PRKCH: variants seen among roughly 807,000 people sequenced by gnomAD.
PRKCH encodes the protein protein kinase C eta, also known as protein kinase C eta type.
Under a neutral mutation model 82.5 loss-of-function variants are expected in PRKCH, and 28 were observed. The ratio of observed to expected loss-of-function variants is 0.34; its 90% CI spans 0.25 to 0.47. The LOEUF (loss-of-function observed/expected upper bound fraction) is 0.47, where lower values mean the gene tolerates loss of function less well. PRKCH is among the 20% of genes least tolerant of loss of function. The pLI, the probability that PRKCH is intolerant of heterozygous loss-of-function variation, is 1.00. For missense variants in PRKCH, 705 were observed against 881.8 expected (o/e 0.80, Z 2.54); for synonymous variants, 322 against 327.4 (o/e 0.98, Z 0.18).
At chr14:61,336,345 T>A (rs988801165) in intron 1 of PRKCH, among the ~76,000 whole-genome samples, 1 of 152,194 alleles carries the variant, frequency 6.6e-6, no homozygotes, top group Non-Finnish European at 1.5e-5. Context: ...GGCTTCCTTA[T>A]CCCGGAATCA....
chr14:61,257,136 G>T (rs2140077027), intron 1 of PRKCH, among the ~76,000 whole-genome samples: 1 of 152,292 alleles, frequency 6.6e-6, no homozygotes, highest in South Asian at 2.1e-4. Flanking sequence ...ACTACTCTCT[G>T]CATGGGGCAT....
chr14:61,517,660 C>T (rs1010796693), intron 10 of PRKCH, among the ~76,000 whole-genome samples: 6 of 152,196 alleles, frequency 3.9e-5, no homozygotes, highest in African/African-American at 1.2e-4. Context: ...TCTATGAACT[C>T]GTTTGTTGGT....
intron 10 of PRKCH, 106 bp downstream of exon 10, chr14:61,485,762 A>G: frequency 7.2e-7 from 1 of 1,392,824 alleles, no homozygotes. Flanking sequence ...CTTTTTTGGA[A>G]TTAAATTCAC....
chr14:61,215,280 G>T (rs2044608868), intron 1 of PRKCH, among the ~76,000 whole-genome samples: 1 of 152,078 alleles, frequency 6.6e-6, no homozygotes, highest in Non-Finnish European at 1.5e-5. Flanking sequence ...GGTGGGTCTG[G>T]GTCACATCCA....
intron 10 of PRKCH, among the ~76,000 whole-genome samples, chr14:61,499,960 A>G (rs1202313312): frequency 2.6e-5 from 4 of 151,458 alleles, no homozygotes; most frequent in African/African-American, 4.9e-5. Flanking sequence ...CTCCCAATCT[A>G]GTTTACCTGT....
At chr14:61,333,673 A>C (rs1019214742) in intron 1 of PRKCH, among the ~76,000 whole-genome samples, 1 of 151,988 alleles carries the variant, frequency 6.6e-6, no homozygotes, top group African/African-American at 2.4e-5. Context: ...TTTTTTAAAG[A>C]GTTTGTTTGA....
intron 2 of PRKCH, among the ~76,000 whole-genome samples, chr14:61,397,790 A>G (rs1193613304): frequency 1.3e-5 from 2 of 152,232 alleles, no homozygotes; most frequent in Non-Finnish European, 2.9e-5. Context: ...TGGTGGTAAC[A>G]GTGGTTTCTT....
At chr14:61,418,064 T>C (rs2140241794) in intron 2 of PRKCH, among the ~76,000 whole-genome samples, 1 of 152,372 alleles carries the variant, frequency 6.6e-6, no homozygotes, top group South Asian at 2.1e-4. Flanking sequence ...GAATAGTTCC[T>C]GGAGAAAGAT....
At chr14:61,316,498 G>C (rs1304890898) in intron 1 of PRKCH, among the ~76,000 whole-genome samples, 5 of 152,124 alleles carry the variant, frequency 3.3e-5, no homozygotes, top group Non-Finnish European at 5.9e-5. Context: ...GTCTATAAAA[G>C]GACCTATAAT....
At chr14:61,349,471 A>C (rs945073588) in intron 1 of PRKCH, among the ~76,000 whole-genome samples, 2 of 152,166 alleles carry the variant, frequency 1.3e-5, no homozygotes, top group African/African-American at 4.8e-5. Flanking sequence ...CTGAGTTCAA[A>C]CCCAGTTCTT....
chr14:61,518,213 G>A (rs2042853934), intron 10 of PRKCH, among the ~76,000 whole-genome samples: 1 of 152,156 alleles, frequency 6.6e-6, no homozygotes, highest in Admixed American at 6.5e-5. Flanking sequence ...GTCTTTGCCT[G>A]AAGACTTCTG....
At chr14:61,518,567 CT>C (rs2042859581) in intron 10 of PRKCH, among the ~76,000 whole-genome samples, 1 of 152,100 alleles carries the variant, frequency 6.6e-6, no homozygotes, top group East Asian at 1.9e-4. Flanking sequence ...CTCATTTCCT[CT>C]TGTATTTGTC....
At chr14:61,364,326 A>C (rs181576660) in intron 1 of PRKCH, among the ~76,000 whole-genome samples, 1 of 152,058 alleles carries the variant, frequency 6.6e-6, no homozygotes, top group African/African-American at 2.4e-5. Context: ...ATGGGAGATG[A>C]GATGATTGAG....
chr14:61,428,070 G>GATAGATAA (rs1883205759), intron 2 of PRKCH, among the ~76,000 whole-genome samples: 1 of 75,148 alleles, frequency 1.3e-5, no homozygotes, highest in African/African-American at 4.3e-5. Flanking sequence ...TAGATAGATA[G>GATAGATAA]ATAGATACAC....
intron 2 of PRKCH, among the ~76,000 whole-genome samples, chr14:61,402,201 A>G (rs1881661521): frequency 6.6e-6 from 1 of 152,236 alleles, no homozygotes; most frequent in African/African-American, 2.4e-5. Flanking sequence ...TATTTTCACA[A>G]TGGCCAGTAC....
intron 1 of PRKCH, among the ~76,000 whole-genome samples, chr14:61,356,809 G>A (rs964712855): frequency 6.6e-6 from 1 of 152,114 alleles, no homozygotes; most frequent in Non-Finnish European, 1.5e-5. Context: ...AGCCTCCCAA[G>A]TAGGTGGGAT....
At chr14:61,505,081 A>T (rs1049468478) in intron 10 of PRKCH, among the ~76,000 whole-genome samples, 1 of 152,138 alleles carries the variant, frequency 6.6e-6, no homozygotes, top group Non-Finnish European at 1.5e-5. Flanking sequence ...TTGTGGTTTT[A>T]TTTCATAGAG....
intron 10 of PRKCH, among the ~76,000 whole-genome samples, chr14:61,517,278 C>G (rs2042842615): frequency 6.6e-6 from 1 of 151,848 alleles, no homozygotes; most frequent in African/African-American, 2.4e-5. Context: ...TGCACTGGGA[C>G]AGCAAATGGC....
chr14:61,522,155 T>C (rs544136036), intron 10 of PRKCH, among the ~76,000 whole-genome samples: 1 of 152,268 alleles, frequency 6.6e-6, no homozygotes, highest in East Asian at 1.9e-4. Flanking sequence ...CATCCTTCCA[T>C]TGCTAAATCC....
Sources: gnomAD v4.1 joint callset for allele counts (sites outside exome capture counted in the v4.1 genomes callset) on GRCh38, gnomAD v4.1.1 for gene constraint, MANE v1.5 for transcripts, NCBI Gene and HGNC (gene_info 2026-07-23, HGNC 2026-07-21) for gene names.